MS4A4A: variants seen among roughly 807,000 people sequenced by gnomAD.
The protein encoded by MS4A4A is membrane-spanning 4-domains subfamily A member 4A.
MS4A4A carries 26 observed loss-of-function variants against 28.0 expected under a neutral mutation model. That is an observed-to-expected ratio of 0.93 (90% CI 0.68 to 1.29). MS4A4A has a LOEUF of 1.29. Ranked by LOEUF, MS4A4A falls within the 50% of genes most tolerant of loss-of-function variation. The pLI, the probability that MS4A4A is intolerant of heterozygous loss-of-function variation, is 0.00. For synonymous variants in MS4A4A, 86 were observed against 100.8 expected (o/e 0.85, Z 0.88); for missense variants, 290 against 293.1 (o/e 0.99, Z 0.08).
intron 2 of MS4A4A, among the ~76,000 whole-genome samples, chr11:60,292,629 A>G (rs899724646): frequency 6.6e-6 from 1 of 152,198 alleles, no homozygotes; most frequent in Admixed American, 6.5e-5. Flanking sequence ...CATCCATGAT[A>G]ATTGTATTTA....
At chr11:60,302,032 C>T (rs1322737490) in intron 4 of MS4A4A, among the ~76,000 whole-genome samples, 1 of 152,156 alleles carries the variant, frequency 6.6e-6, no homozygotes, top group Non-Finnish European at 1.5e-5. Flanking sequence ...CACCCCGCTT[C>T]GGCCTCCCAA....
chr11:60,306,835 A>G (rs946581161), intron 6 of MS4A4A, among the ~76,000 whole-genome samples: 4 of 152,238 alleles, frequency 2.6e-5, no homozygotes, highest in African/African-American at 4.8e-5. Context: ...TTATTCCATT[A>G]TCCTATTACA....
chr11:60,303,828 G>A (rs757365141), intron 5 of MS4A4A, among the ~76,000 whole-genome samples: 2 of 152,038 alleles, frequency 1.3e-5, no homozygotes, highest in Admixed American at 1.3e-4. Context: ...CACGTTCTTC[G>A]CTTATGTAAA....
chr11:60,308,192 T>C lies in MS4A4A; in HGVS notation c.*14T>C, dbSNP rs200839732. The stretch of plus-strand genomic sequence containing the variant: ...AATGAGGTTTGAGGCCACCAAAAGA[T>C]CAACAGACAAATGCTCCAGAAATCT... On this transcript the variant is annotated 3_prime_UTR_variant, in exon 7 of 7. Transcript: ENST00000337908. 940 of 1,611,374 alleles carry C rather than the reference T, an allele frequency of 5.8e-4. No homozygotes were observed. The highest frequency in any genetic ancestry group is 7.8e-4 in the Non-Finnish European group (918 of 1,177,582).
intron 1 of MS4A4A, among the ~76,000 whole-genome samples, chr11:60,285,649 A>C (rs2084797386): frequency 6.6e-6 from 1 of 152,236 alleles, no homozygotes; most frequent in Non-Finnish European, 1.5e-5. Context: ...AGGCACCGTG[A>C]TGCCCCCGAG....
At chr11:60,298,611 T>A (rs2084925466) in intron 3 of MS4A4A, among the ~76,000 whole-genome samples, 1 of 152,202 alleles carries the variant, frequency 6.6e-6, no homozygotes, top group Non-Finnish European at 1.5e-5. Context: ...GGTACAGGAA[T>A]GAAGATTCAA....
chr11:60,302,502 T>G, intron 4 of MS4A4A, 57 bp from the exon 5 acceptor site: 119 of 1,534,862 alleles, frequency 7.8e-5, no homozygotes, highest in Non-Finnish European at 1.0e-4. Context: ...AAGTGATTCA[T>G]GGAGATATAT....
chr11:60,296,332 G>A (rs1353920694), intron 2 of MS4A4A, among the ~76,000 whole-genome samples: 1 of 151,892 alleles, frequency 6.6e-6, no homozygotes, highest in African/African-American at 2.4e-5. Context: ...TTTCATTTAT[G>A]TTAGTAATTT....
intron 2 of MS4A4A, among the ~76,000 whole-genome samples, chr11:60,292,943 G>A (rs2084870638): frequency 6.6e-6 from 1 of 152,134 alleles, no homozygotes; most frequent in African/African-American, 2.4e-5. Flanking sequence ...ATGTCACTGT[G>A]GATATTCTGG....
At chr11:60,304,182 G>A (rs2084977440) in intron 5 of MS4A4A, among the ~76,000 whole-genome samples, 1 of 152,134 alleles carries the variant, frequency 6.6e-6, no homozygotes, top group African/African-American at 2.4e-5. Context: ...TCCTGCAGAA[G>A]GACCTTACTT....
intron 6 of MS4A4A, among the ~76,000 whole-genome samples, chr11:60,306,975 A>G (rs2085008691): frequency 1.3e-5 from 2 of 152,210 alleles, no homozygotes; most frequent in Admixed American, 1.3e-4. Context: ...AACCCAAAGA[A>G]TGTCACACAG....
rs759323164 is a variant in MS4A4A at position 60,301,047 on chromosome 11, C to T, written c.377C>T (p.Thr126Ile). The part of the protein sequence containing the change: ...SLSIAAGIRT[T>I]KGLVRGSLGM... ...TCAATTGCAGCAGGAATTAGAACTA[C>T]AAAAGGCCTGGTGAGTAATATTTTC... The change falls in exon 4 of 7, where the codon ACA (threonine) becomes ATA (isoleucine). Residue 126 changes from threonine (T) to isoleucine (I), a missense_variant. Physicochemically the swap from Thr to Ile is moderately conservative, Grantham distance 89. Coordinates refer to ENST00000337908, the MANE Select transcript of MS4A4A (RefSeq NM_148975.3). The T allele has an allele frequency of 2.6e-5, 42 of 1,596,696 alleles. No individual in the cohort carries two copies. The highest frequency in any genetic ancestry group is 1.2e-4 in the Admixed American group (7 of 57,014).
chr11:60,306,268 C>T, intron 6 of MS4A4A, 67 bp downstream of exon 6: 1 of 1,199,630 alleles, frequency 8.3e-7, no homozygotes, highest in Non-Finnish European at 1.2e-6. Flanking sequence ...CGATTACACA[C>T]ACTTAGAGTC....
At chr11:60,298,828 T>A (rs2084926933) in intron 3 of MS4A4A, among the ~76,000 whole-genome samples, 1 of 152,218 alleles carries the variant, frequency 6.6e-6, no homozygotes, top group Admixed American at 6.5e-5. Flanking sequence ...TAGATGAGCC[T>A]TTACTTAATT....
At chr11:60,295,506 G>C (rs1268639341) in intron 2 of MS4A4A, among the ~76,000 whole-genome samples, 1 of 151,948 alleles carries the variant, frequency 6.6e-6, no homozygotes. Context: ...TACTGTTTCT[G>C]CTATGACTTC....
intron 2 of MS4A4A, among the ~76,000 whole-genome samples, chr11:60,293,642 A>G (rs1376930538): frequency 2.0e-5 from 3 of 152,220 alleles, no homozygotes; most frequent in Non-Finnish European, 4.4e-5. Flanking sequence ...TATCCCACCA[A>G]TCCCTGGCAA....
At chr11:60,281,115 C>T (rs899796880) in intron 1 of MS4A4A, among the ~76,000 whole-genome samples, 7 of 152,092 alleles carry the variant, frequency 4.6e-5, no homozygotes, top group Non-Finnish European at 1.0e-4. Context: ...ATTTTTATAA[C>T]TCAGGATTTA....
At chr11:60,287,599 A>G (rs1336399915) in intron 1 of MS4A4A, among the ~76,000 whole-genome samples, 1 of 152,182 alleles carries the variant, frequency 6.6e-6, no homozygotes, top group African/African-American at 2.4e-5. Context: ...CATACAAAAT[A>G]CAATACTTCT....
chr11:60,283,955 ACGTAGT>A (rs1367652044), intron 1 of MS4A4A, among the ~76,000 whole-genome samples: 1 of 152,120 alleles, frequency 6.6e-6, no homozygotes, highest in African/African-American at 2.4e-5. Flanking sequence ...GCCCACCTCT[ACGTAGT>A]CTTGTTATCT....
Sources: allele counts gnomAD v4.1 joint callset (sites outside exome capture counted in the v4.1 genomes callset), GRCh38; gene constraint gnomAD v4.1.1; transcripts MANE v1.5; gene names NCBI Gene and HGNC (gene_info 2026-07-23, HGNC 2026-07-21).